The following SPATC1 variants were observed in gnomAD, a reference collection of about 807,000 sequenced individuals.
SPATC1 encodes spermatogenesis and centriole associated 1.
A neutral mutation model predicts 36.5 loss-of-function variants in SPATC1; 35 were observed. That is an observed-to-expected ratio of 0.96 (90% confidence interval 0.73 to 1.27). The LOEUF is 1.27. Ranked by LOEUF, SPATC1 falls within the 50% of genes most tolerant of loss-of-function variation. The pLI is 0.00. For missense variants in SPATC1, 779 were observed against 796.0 expected, an observed-to-expected ratio of 0.98 and a Z score of 0.26; for synonymous variants, 361 against 353.6, an observed-to-expected ratio of 1.02 and a Z score of -0.24.
chr8:144,021,267 A>C (rs1359267417), intron 1 of SPATC1, among the ~76,000 whole-genome samples: 3,850 of 39,094 alleles, frequency 0.098, 1 homozygote, highest in Admixed American at 0.12. Context: ...TTCCTTCAGG[A>C]CCCCCTTCCC....
rs1181136344 is a variant in SPATC1 at position 144,047,098 on chromosome 8, G to A, written c.*142G>A. 6 of 985,012 alleles carry A rather than the reference G, an allele frequency of 6.1e-6. No individual in the cohort carries two copies. Among genetic ancestry groups the A allele is most frequent in the South Asian group, 5.0e-5 (3 of 59,794 alleles). The allele number at this position is 985,012 out of a possible 1,614,324, so 61.0% of individuals were successfully genotyped here. A position where few individuals can be genotyped will look rare whatever the true frequency, so the allele number is the denominator to read the frequency against. ...CCTCTGGGGTGGCTCACCGGGCCCC[G>A]GCACCGTGCCCCTTCAGCCCTGTCT... On this transcript the variant is annotated 3_prime_UTR_variant, in exon 5 of 5. Coordinates refer to ENST00000377470, the MANE Select transcript of SPATC1 (RefSeq NM_198572.3). The surrounding 1 kb of genome is among the most constrained non-coding windows in gnomAD (Gnocchi z 4.1).
In SPATC1 at chr8:144,012,335, G is replaced by T; in HGVS notation, c.-181G>T. The T allele has an allele frequency of 6.6e-6, 4 of 608,236 alleles. No individual in the cohort carries two copies. Among genetic ancestry groups the T allele is most frequent in the Non-Finnish European group, 1.2e-5 (4 of 341,862 alleles). The allele number at this position is 608,236 out of a possible 1,614,324, so 37.7% of individuals were successfully genotyped here. On this transcript the variant is annotated 5_prime_UTR_variant, in exon 1 of 5. Coordinates refer to ENST00000377470, the MANE Select transcript of SPATC1 (RefSeq NM_198572.3). ...AGGCCTGGTGGCATGGAGAGCTGAG[G>T]GTGTTAGAGCAGAGAGGGCAAGGAA...
chr8:144,013,822 G>T (rs1469961901), intron 1 of SPATC1, among the ~76,000 whole-genome samples: 3 of 152,154 alleles, frequency 2.0e-5, no homozygotes, highest in Admixed American at 6.5e-5. Flanking sequence ...TGGACATGGT[G>T]GTTCACGCCT....
At chr8:144,037,129 C>G (rs1212520447) in intron 1 of SPATC1, among the ~76,000 whole-genome samples, 6 of 120,392 alleles carry the variant, frequency 5.0e-5, no homozygotes, top group African/African-American at 1.0e-4. Flanking sequence ...CAAGCCGCCC[C>G]GTCCGGGAGG....
chr8:144,041,425 C>T lies in SPATC1; in HGVS notation c.1446+54C>T, dbSNP rs1188339571. 6.9e-6 allele frequency: 11 copies of T among 1,586,828 alleles called. No homozygotes were observed. In the South Asian group the frequency reaches 7.8e-5, roughly 11 times the overall value. On this transcript the variant is annotated intron_variant, in intron 4 of 4. Coordinates refer to ENST00000377470, the MANE Select transcript of SPATC1 (RefSeq NM_198572.3). ...GGGGGCAGGTTGGCCCATGAGGGGCCGTGGGGACCCTGCACTCTGGCCAGG... is the reference window on the plus strand; with the variant it reads ...GGGGGCAGGTTGGCCCATGAGGGGCTGTGGGGACCCTGCACTCTGGCCAGG...
chr8:144,031,479 G>A (rs1283036644), intron 1 of SPATC1, among the ~76,000 whole-genome samples: 5 of 125,072 alleles, frequency 4.0e-5, no homozygotes, highest in African/African-American at 1.5e-4. Context: ...TAGAGAGATA[G>A]GGTCTCACTA....
At chr8:144,034,406 A>AT (rs36150800) in intron 1 of SPATC1, among the ~76,000 whole-genome samples, 52,442 of 144,724 alleles carry the variant, frequency 0.36, 9,809 homozygotes, top group African/African-American at 0.48. Context: ...GCAGAAATGC[A>AT]TTTTTTTTTT....
intron 1 of SPATC1, among the ~76,000 whole-genome samples, chr8:144,033,423 A>C (rs1194766821): frequency 1.3e-5 from 2 of 152,322 alleles, no homozygotes; most frequent in East Asian, 3.9e-4. Context: ...GAAAGAAAGA[A>C]AAGTTAAAAT....
intron 1 of SPATC1, among the ~76,000 whole-genome samples, chr8:144,015,740 C>CAAAAAAAAAAAAA (rs374846456): frequency 2.5e-5 from 2 of 81,422 alleles, no homozygotes; most frequent in Admixed American, 1.4e-4. Context: ...GACTCTGTCT[C>CAAAAAAAAAAAAA]AAAAAAAAAA....
At chr8:144,024,328 C>CCTTCTTTCAGACCCCT (rs1587499410) in intron 1 of SPATC1, among the ~76,000 whole-genome samples, 1 of 143,070 alleles carries the variant, frequency 7.0e-6, no homozygotes, top group East Asian at 2.2e-4. Context: ...CCCAGGACCG[C>CCTTCTTTCAGACCCCT]CTTCTTTCAG....
At chr8:144,042,513 G>C (rs113893366) in intron 4 of SPATC1, among the ~76,000 whole-genome samples, 1 of 151,198 alleles carries the variant, frequency 6.6e-6, no homozygotes, top group African/African-American at 2.4e-5. Flanking sequence ...GTAGAGACGG[G>C]GTTTCTCCAT....
intron 1 of SPATC1, among the ~76,000 whole-genome samples, chr8:144,014,891 C>A (rs961710862): frequency 1.4e-4 from 22 of 152,096 alleles, no homozygotes; most frequent in African/African-American, 5.3e-4. Context: ...GAGTATGGAG[C>A]GTGTGGTGTG....
Position 144,046,874 on chromosome 8 carries a change from G to C in SPATC1, c.1694G>C (p.Gly565Ala). ...GTGGTGGTGGAGACCGTGCACCCCG[G>C]CATGCTCGCCGACGCGCTGCTGCTG... ...QRVVVETVHP[G>A]MLADALLLLS... Residue 565 changes from glycine (G) to alanine (A), a missense_variant, in exon 5 of 5, where the codon GGC (glycine) becomes GCC (alanine). Physicochemically the swap from Gly to Ala is moderately conservative, Grantham distance 60 (BLOSUM62 0). Transcript: ENST00000377470. This position sits in a 1 kb window ranked among gnomAD's most constrained non-coding sequence, Gnocchi z 6.6. 4 of 1,600,500 alleles carry C rather than the reference G, an allele frequency of 2.5e-6. No individual in the cohort carries two copies. Among genetic ancestry groups the C allele is most frequent in the Non-Finnish European group, 3.4e-6 (4 of 1,179,806 alleles).
At chr8:144,031,450 C>CTTTTTTTTTTTTTTTTTTTT (rs1176896425) in intron 1 of SPATC1, among the ~76,000 whole-genome samples, 1 of 116,690 alleles carries the variant, frequency 8.6e-6, no homozygotes, top group Non-Finnish European at 1.7e-5. Context: ...ATTTTTTTTT[C>CTTTTTTTTTTTTTTTTTTTT]TTTTTTTTTT....
At chr8:144,036,403 C>A (rs1465894206) in intron 1 of SPATC1, among the ~76,000 whole-genome samples, 17 of 152,204 alleles carry the variant, frequency 1.1e-4, no homozygotes, top group Admixed American at 7.9e-4. Context: ...CGGCTCACCA[C>A]AGCCCCAACC....
chr8:144,033,222 T>C, intron 1 of SPATC1, among the ~76,000 whole-genome samples: 2 of 151,918 alleles, frequency 1.3e-5, no homozygotes, highest in South Asian at 2.1e-4. Flanking sequence ...ATGGTGAAAC[T>C]CTGTCTCTAC....
intron 1 of SPATC1, among the ~76,000 whole-genome samples, chr8:144,035,440 T>C (rs1834879451): frequency 6.6e-6 from 1 of 152,242 alleles, no homozygotes; most frequent in Non-Finnish European, 1.5e-5. Context: ...GTCGGCGCCA[T>C]TGTTCCTTCT....
At chr8:144,033,839 A>G (rs1414055646) in intron 1 of SPATC1, among the ~76,000 whole-genome samples, 2 of 152,204 alleles carry the variant, frequency 1.3e-5, no homozygotes, top group African/African-American at 4.8e-5. Flanking sequence ...CACCACCAGC[A>G]GAGGCACAGG....
intron 1 of SPATC1, among the ~76,000 whole-genome samples, chr8:144,025,248 T>C (rs1834653219): frequency 6.6e-6 from 1 of 152,160 alleles, no homozygotes. Flanking sequence ...TCTTCCCTCA[T>C]ACTTTCTCCC....
Sources: allele counts gnomAD v4.1 joint callset (sites outside exome capture counted in the v4.1 genomes callset), GRCh38; gene constraint gnomAD v4.1.1; non-coding constraint Gnocchi (gnomAD v3.1); transcripts MANE v1.5; gene names NCBI Gene and HGNC (gene_info 2026-07-23, HGNC 2026-07-21).